Variants in MED13L observed in about 807,000 individuals in gnomAD.
The protein encoded by MED13L is mediator of RNA polymerase II transcription subunit 13-like.
In MED13L, 7 loss-of-function variants were observed where a neutral mutation model predicts 220.9. The ratio of observed to expected loss-of-function variants is 0.03; its 90% CI spans 0.02 to 0.06. MED13L has a LOEUF of 0.06. Ranked by LOEUF, MED13L falls within the 10% of genes least tolerant of loss-of-function variation. The pLI, the probability that MED13L is intolerant of heterozygous loss-of-function variation, is 1.00. For missense variants in MED13L, 1,965 were observed against 2,760.5 expected (o/e 0.71, Z 6.46); for synonymous variants, 1,011 against 1,015.2 (o/e 1.00, Z 0.08).
intron 28 of MED13L, among the ~76,000 whole-genome samples, chr12:115,967,970 G>T (rs1876298287): frequency 6.7e-6 from 1 of 149,520 alleles, no homozygotes; most frequent in African/African-American, 2.5e-5. Context: ...GCCCTCCTCT[G>T]GTCTTACCTG....
At chr12:116,057,492 A>G (rs545906607) in intron 4 of MED13L, among the ~76,000 whole-genome samples, 77 of 151,926 alleles carry the variant, frequency 5.1e-4, no homozygotes, top group African/African-American at 1.8e-3. Flanking sequence ...GACTGATGGC[A>G]GAATATTCTG....
At chr12:116,055,269 C>A (rs1359038418) in intron 4 of MED13L, among the ~76,000 whole-genome samples, 1 of 152,012 alleles carries the variant, frequency 6.6e-6, no homozygotes, top group Admixed American at 6.6e-5. Flanking sequence ...GTTGATAAAG[C>A]TAAACACTTA....
At position 115,991,968 on chromosome 12, in the gene MED13L, A is replaced by C. The variant is rs751005695; in HGVS notation, c.2997-11T>G. On this transcript the variant is annotated splice_polypyrimidine_tract_variant and intron_variant, in intron 16 of 30. Coordinates refer to ENST00000281928, the MANE Select transcript of MED13L (RefSeq NM_015335.5). The surrounding 1 kb of genome is among the most constrained non-coding windows in gnomAD (Gnocchi z 7.7). ...ACACTAGGCACGTTACTACAAAAAG[A>C]GAAGGCACCAAGTGAGGAAGGGCAG... The C allele has an allele frequency of 2.1e-5, 34 of 1,595,742 alleles. No homozygotes were observed. Among genetic ancestry groups the C allele is most frequent in the Non-Finnish European group, 2.8e-5 (33 of 1,177,218 alleles).
chr12:116,093,707 T>C (rs530091579), intron 4 of MED13L, among the ~76,000 whole-genome samples: 1 of 152,136 alleles, frequency 6.6e-6, no homozygotes, highest in East Asian at 1.9e-4. Flanking sequence ...AGATATTATA[T>C]ATAGATACTA....
chr12:116,025,409 G>C (rs950589303), intron 4 of MED13L, among the ~76,000 whole-genome samples: 1 of 152,176 alleles, frequency 6.6e-6, no homozygotes, highest in African/African-American at 2.4e-5. Context: ...AACTCAGTAT[G>C]TCGAAGAGTT....
chr12:116,120,477 T>TCACACACACACA (rs1158069310), intron 2 of MED13L, among the ~76,000 whole-genome samples: 7 of 79,428 alleles, frequency 8.8e-5, no homozygotes, highest in Admixed American at 3.2e-4. Context: ...TCTCTCTCTC[T>TCACACACACACA]CACACACACA....
In MED13L at chr12:115,983,292, G is replaced by A. The variant is rs765283045; in HGVS notation, c.4780C>T (p.Pro1594Ser). ...GTAGTGCTTATCTGGCTAATACCAG[G>A]AGCAGAGGCAGACGATGAGACCGGT... ...VPPVSSSASAPGISQISTTSS... is the reference protein window; with the variant it reads ...VPPVSSSASASGISQISTTSS... The change falls in exon 21 of 31, where the codon CCT becomes TCT. Residue 1594 changes from proline (P) to serine (S), a missense_variant. Physicochemically the swap from Pro to Ser is moderately conservative, Grantham distance 74 (BLOSUM62 -1). This residue lies in a region of MED13L where 510 missense variants were observed against 620.4 expected (regional missense o/e 0.82). Transcript: ENST00000281928. 1 of 1,614,194 alleles carries A rather than the reference G, an allele frequency of 6.2e-7. No homozygotes were observed.
chr12:116,085,037 A>G (rs1871528294), intron 4 of MED13L, among the ~76,000 whole-genome samples: 2 of 152,216 alleles, frequency 1.3e-5, no homozygotes, highest in Non-Finnish European at 2.9e-5. Flanking sequence ...AACACTAAAG[A>G]AACAATACTA....
intron 2 of MED13L, among the ~76,000 whole-genome samples, chr12:116,190,526 C>T (rs1214126485): frequency 2.0e-5 from 3 of 152,174 alleles, no homozygotes; most frequent in African/African-American, 7.2e-5. Context: ...ATATGCCTTA[C>T]ATCAACAGCT....
chr12:116,126,732 T>C (rs1011703912), intron 2 of MED13L, among the ~76,000 whole-genome samples: 12 of 152,242 alleles, frequency 7.9e-5, no homozygotes, highest in African/African-American at 2.7e-4. Context: ...GCTTCTTTTA[T>C]AGTTATCTTT....
chr12:116,184,109 A>C (rs1190852436), intron 2 of MED13L, among the ~76,000 whole-genome samples: 1 of 152,218 alleles, frequency 6.6e-6, no homozygotes. Context: ...TTAAACAAAC[A>C]TGAGGTTTCA....
intron 2 of MED13L, among the ~76,000 whole-genome samples, chr12:116,163,739 A>C (rs1442934898): frequency 5.3e-5 from 8 of 152,218 alleles, no homozygotes; most frequent in African/African-American, 1.7e-4. Flanking sequence ...CACATATCAT[A>C]CATAATAACT....
intron 2 of MED13L, among the ~76,000 whole-genome samples, chr12:116,156,532 G>A (rs1311506314): frequency 1.3e-5 from 2 of 152,050 alleles, no homozygotes; most frequent in Non-Finnish European, 2.9e-5. Flanking sequence ...CACATTGCAG[G>A]CCAAGTTTCC....
intron 7 of MED13L, among the ~76,000 whole-genome samples, chr12:116,017,557 G>A (rs1253964113): frequency 6.6e-6 from 1 of 152,166 alleles, no homozygotes; most frequent in Admixed American, 6.5e-5. Flanking sequence ...GTTGATTGAT[G>A]ATAAATCCTT....
At chr12:115,978,326 C>CT (rs60887652) in intron 23 of MED13L, among the ~76,000 whole-genome samples, 6,353 of 132,160 alleles carry the variant, frequency 0.048, 247 homozygotes, top group African/African-American at 0.096. Flanking sequence ...AATTTTTTTT[C>CT]TTTTTTTTTT....
chr12:116,201,271 T>C (rs1013476193), intron 2 of MED13L, among the ~76,000 whole-genome samples: 1 of 152,148 alleles, frequency 6.6e-6, no homozygotes, highest in Non-Finnish European at 1.5e-5. Flanking sequence ...TTCTACAAGA[T>C]TAGATCAGGT....
intron 4 of MED13L, among the ~76,000 whole-genome samples, chr12:116,071,422 T>G (rs1188440250): frequency 1.3e-5 from 2 of 152,204 alleles, no homozygotes. Context: ...TGTTGTTGTT[T>G]TTGTTTTGTT....
intron 3 of MED13L, among the ~76,000 whole-genome samples, chr12:116,102,045 T>A (rs1479140234): frequency 1.3e-5 from 2 of 152,164 alleles, no homozygotes; most frequent in Non-Finnish European, 2.9e-5. Flanking sequence ...CTTTAAGCAA[T>A]AGTACTAGGA....
chr12:115,991,967 G>C lies in MED13L; in HGVS notation c.2997-10C>G. ...AACACTAGGCACGTTACTACAAAAA[G>C]AGAAGGCACCAAGTGAGGAAGGGCA... On this transcript the variant is annotated splice_polypyrimidine_tract_variant and intron_variant, in intron 16 of 30. Transcript: ENST00000281928. This position sits in a 1 kb window ranked among gnomAD's most constrained non-coding sequence, Gnocchi z 7.7. 6.3e-7 allele frequency: 1 copy of C among 1,596,436 alleles called. No individual in the cohort carries two copies. The highest frequency in any genetic ancestry group is 1.1e-5 in the South Asian group (1 of 90,748).
Sources: allele counts gnomAD v4.1 joint callset (sites outside exome capture counted in the v4.1 genomes callset), GRCh38; gene constraint gnomAD v4.1.1; regional missense constraint gnomAD v4.1.1; non-coding constraint Gnocchi (gnomAD v3.1); transcripts MANE v1.5; gene names NCBI Gene and HGNC (gene_info 2026-07-23, HGNC 2026-07-21).